The following HK1 variants were observed in gnomAD, a reference collection of about 807,000 sequenced individuals.
HK1 encodes the protein hexokinase 1.
In HK1, 28 loss-of-function variants were observed where a neutral mutation model predicts 91.6. The observed-to-expected ratio is 0.31, with a 90% CI of 0.23 to 0.42. HK1 has a LOEUF of 0.42. HK1 is among the 10% of genes least tolerant of loss of function. The pLI is 1.00. For synonymous variants in HK1, 430 were observed against 468.1 expected, an observed-to-expected ratio of 0.92 and a Z score of 1.05; for missense variants, 770 against 1,219.8, an observed-to-expected ratio of 0.63 and a Z score of 5.49.
At chr10:69,347,365 C>T (rs1848615203) in intron 2 of HK1, among the ~76,000 whole-genome samples, 1 of 151,562 alleles carries the variant, frequency 6.6e-6, no homozygotes, top group South Asian at 2.1e-4. Context: ...TAAATGATTA[C>T]TAGGGAGAAT....
chr10:69,330,176 C>T (rs976152264), intron 1 of HK1, among the ~76,000 whole-genome samples: 11 of 152,328 alleles, frequency 7.2e-5, no homozygotes, highest in Middle Eastern at 6.8e-3. Context: ...ACCCAGACCT[C>T]ATGTCCCTGA....
At chr10:69,288,846 G>A (rs2132454151) in intron 3 of HK1, 1 of 1,254,782 alleles carries the variant, frequency 8.0e-7, no homozygotes, top group South Asian at 1.2e-5. Flanking sequence ...GAGTGTAGTG[G>A]CGCGATCTCG....
rs374025299 is a variant in HK1, at chr10:69,329,338, T to A, written c.63+10328T>A. Among the ~76,000 whole-genome samples, 59 of 152,250 alleles carry A rather than the reference T, an allele frequency of 3.9e-4. No homozygotes were observed. The South Asian group carries it at 0.011, about 29-fold the overall frequency. On this transcript the variant is annotated intron_variant, in intron 1 of 17. Coordinates refer to ENST00000359426, the MANE Select transcript of HK1 (RefSeq NM_000188.3). ...CCACCATGCCCAGCTAATTTTTGTATTTTCAGTAGAGACGGAGTTTCACCA... is the reference window on the plus strand; with the variant it reads ...CCACCATGCCCAGCTAATTTTTGTAATTTCAGTAGAGACGGAGTTTCACCA...
chr10:69,288,855 C>A, intron 3 of HK1: 2 of 1,141,324 alleles, frequency 1.8e-6, no homozygotes, highest in South Asian at 1.3e-5. Flanking sequence ...GGCGCGATCT[C>A]GGCTCACTAT....
Position 69,401,136 on chromosome 10 carries a change from G to A in HK1, c.*1G>A, listed in dbSNP as rs1168135832. 2 of 1,613,356 alleles carry A rather than the reference G, an allele frequency of 1.2e-6. No individual in the cohort carries two copies. The highest frequency in any genetic ancestry group is 4.5e-5 in the East Asian group (2 of 44,872). On this transcript the variant is annotated 3_prime_UTR_variant, in exon 18 of 18. Coordinates refer to ENST00000359426, the MANE Select transcript of HK1 (RefSeq NM_000188.3). ...GTTACGCACAGAGGCAAGCAGCTAAGAGTCCGGGATCCCCAGCCTACTGCC... is the reference window on the plus strand; with the variant it reads ...GTTACGCACAGAGGCAAGCAGCTAAAAGTCCGGGATCCCCAGCCTACTGCC...
chr10:69,347,855 G>C (rs753754191), intron 2 of HK1, among the ~76,000 whole-genome samples: 1 of 152,156 alleles, frequency 6.6e-6, no homozygotes, highest in Non-Finnish European at 1.5e-5. Context: ...GAGGGTCTGC[G>C]TGGTCTTTAT....
At chr10:69,299,925 G>T (rs1200130571) in intron 4 of HK1, among the ~76,000 whole-genome samples, 1 of 151,630 alleles carries the variant, frequency 6.6e-6, no homozygotes, top group Non-Finnish European at 1.5e-5. Flanking sequence ...CTCCCAAAGT[G>T]CTGGGATTAC....
At chr10:69,307,997 C>A (rs1395739794) in intron 5 of HK1, among the ~76,000 whole-genome samples, 3 of 151,914 alleles carry the variant, frequency 2.0e-5, no homozygotes, top group Admixed American at 1.3e-4. Flanking sequence ...CACCACACGC[C>A]CAGCTAATTT....
At position 69,369,577 on chromosome 10, in the gene HK1, G is replaced by A. The variant is rs41279658; in HGVS notation, c.828G>A (p.Glu276=). ...DDGSLEDIRT[E]FDREIDRGSL... ...GATCATTAGAAGACATCCGGACAGA[G>A]TTTGACAGGGAGATAGACCGGGGAT... The change falls in exon 7 of 18, where the codon GAG becomes GAA. Residue 276 remains glutamate, a synonymous_variant. Transcript: ENST00000359426. This position sits in a 1 kb window ranked among gnomAD's most constrained non-coding sequence, Gnocchi z 4.4. 2,606 of 1,614,220 alleles carry A rather than the reference G, an allele frequency of 1.6e-3. 8 individuals are homozygous for A. The highest frequency in any genetic ancestry group is 0.011 in the Middle Eastern group (65 of 6,058).
At chr10:69,304,535 T>C (rs1053361573) in intron 5 of HK1, among the ~76,000 whole-genome samples, 4 of 152,186 alleles carry the variant, frequency 2.6e-5, no homozygotes, top group African/African-American at 4.8e-5. Context: ...CTCGAACTCC[T>C]GACCTCAAGT....
chr10:69,392,257 C>G lies in HK1; in HGVS notation c.2168C>G (p.Thr723Arg). ...AACGGGTGTCTGGATGATATCAGGA[C>G]ACACTACGACAGACTGGTGGACGAA... ...GDNGCLDDIR[T>R]HYDRLVDEYS... The change falls in exon 15 of 18, where the codon ACA becomes AGA. Residue 723 changes from threonine (T) to arginine (R), a missense_variant. Around this residue, in one of 7 missense-constraint regions of HK1, gnomAD observed 152 missense variants for 211.1 expected, o/e 0.72. Transcript: ENST00000359426. The G allele has an allele frequency of 6.2e-7, 1 of 1,614,194 alleles. No individual in the cohort carries two copies. The highest frequency in any genetic ancestry group is 8.5e-7 in the Non-Finnish European group (1 of 1,180,046).
upstream of HK1, among the ~76,000 whole-genome samples, chr10:69,316,605 T>A (rs987039560): frequency 6.6e-6 from 1 of 152,246 alleles, no homozygotes; most frequent in African/African-American, 2.4e-5. Context: ...CAGAGGCAGC[T>A]TTCCTGCCTG....
At chr10:69,335,915 C>T (rs1847954641) in intron 1 of HK1, among the ~76,000 whole-genome samples, 1 of 152,178 alleles carries the variant, frequency 6.6e-6, no homozygotes, top group South Asian at 2.1e-4. Flanking sequence ...TAGAGAGTGT[C>T]TGCAGGAAAT....
intron 2 of HK1, among the ~76,000 whole-genome samples, chr10:69,352,239 C>T (rs1011171394): frequency 6.6e-6 from 1 of 152,040 alleles, no homozygotes; most frequent in Non-Finnish European, 1.5e-5. Context: ...GTGATCCACC[C>T]GCCTCAGCCT....
intron 1 of HK1, among the ~76,000 whole-genome samples, chr10:69,323,298 G>GA (rs1169858964): frequency 6.7e-6 from 1 of 149,226 alleles, no homozygotes; most frequent in African/African-American, 2.5e-5. Context: ...CAGTGGCAAA[G>GA]AAAAAAAAGA....
In HK1 at chr10:69,369,074, A is replaced by G. The variant is rs1366946401; in HGVS notation, c.592-163A>G. On this transcript the variant is annotated intron_variant, in intron 5 of 17. Transcript: ENST00000359426. This position sits in a 1 kb window ranked among gnomAD's most constrained non-coding sequence, Gnocchi z 4.4. Reference sequence around the variant, plus strand: ...GTGAGGTTTTCATCATTTAATCACCATGCTCTGATCTAGTTAATTTGAGTA... The same window carrying G: ...GTGAGGTTTTCATCATTTAATCACCGTGCTCTGATCTAGTTAATTTGAGTA... 1.3e-5 allele frequency among the ~76,000 whole-genome samples: 2 copies of G among 152,242 alleles called. No homozygotes were observed. Among genetic ancestry groups the G allele is most frequent in the Non-Finnish European group, 2.9e-5 (2 of 68,038 alleles).
At chr10:69,301,244 CAA>C (rs35215102) in intron 5 of HK1, among the ~76,000 whole-genome samples, 2,678 of 113,402 alleles carry the variant, frequency 0.024, 77 homozygotes, top group African/African-American at 0.084. Context: ...GACTCCATCT[CAA>C]AAAAAAAAAA....
In HK1 at chr10:69,359,992, G is replaced by A. The variant is rs779559967; in HGVS notation, c.322G>A (p.Glu108Lys). ...TGAGAAAAACCAGAATGTTCACATG[G>A]AGTCCGAGGTTTATGACACCCCAGA... ...NHEKNQNVHM[E>K]SEVYDTPENI... Residue 108 changes from glutamate (E) to lysine (K), a missense_variant, in exon 3 of 18, where the codon GAG becomes AAG. Glu to Lys is a moderately conservative substitution (Grantham distance 56, BLOSUM62 1). Coordinates refer to ENST00000359426, the MANE Select transcript of HK1 (RefSeq NM_000188.3). 6.2e-7 allele frequency: 1 copy of A among 1,614,192 alleles called. No individual in the cohort carries two copies. Among genetic ancestry groups the A allele is most frequent in the South Asian group, 1.1e-5 (1 of 91,076 alleles).
intron 5 of HK1, among the ~76,000 whole-genome samples, chr10:69,301,495 A>G (rs1845862979): frequency 6.8e-6 from 1 of 146,868 alleles, no homozygotes; most frequent in Non-Finnish European, 1.5e-5. Flanking sequence ...AATTGCTTGA[A>G]CCTGGGAGGT....
Sources: allele counts gnomAD v4.1 joint callset (sites outside exome capture counted in the v4.1 genomes callset), GRCh38; gene constraint gnomAD v4.1.1; regional missense constraint gnomAD v4.1.1; non-coding constraint Gnocchi (gnomAD v3.1); transcripts MANE v1.5; gene names NCBI Gene and HGNC (gene_info 2026-07-23, HGNC 2026-07-21).